TTC39C: variants seen among roughly 807,000 people sequenced by gnomAD.
TTC39C encodes the protein tetratricopeptide repeat protein 39C.
In TTC39C, 33 loss-of-function variants were observed where a neutral mutation model predicts 76.3. The observed-to-expected ratio is 0.43, with a 90% CI of 0.33 to 0.58. TTC39C has a LOEUF of 0.58. TTC39C is among the 20% of genes least tolerant of loss of function. TTC39C has a pLI of 0.04. For missense variants in TTC39C, 595 were observed against 701.4 expected (o/e 0.85, Z 1.71); for synonymous variants, 254 against 260.6 (o/e 0.97, Z 0.24).
chr18:24,023,999 TATA>T (rs1568409093), intron 1 of TTC39C, among the ~76,000 whole-genome samples: 10 of 11,098 alleles, frequency 9.0e-4, no homozygotes, highest in Non-Finnish European at 1.3e-3. Flanking sequence ...TATATATATA[TATA>T]TATATATATA....
chr18:24,111,942 A>G lies in TTC39C; in HGVS notation c.985-2612A>G, dbSNP rs1316835739. 2.0e-5 allele frequency among the ~76,000 whole-genome samples: 3 copies of G among 151,146 alleles called. No homozygotes were observed. In the South Asian group the frequency reaches 6.3e-4, roughly 32 times the overall value. ...ATATATATTTTTTTTGGTGAAAAAT[A>G]TGGGAAAATTTATTTCAACTGTGTT... On this transcript the variant is annotated intron_variant, in intron 6 of 13. Transcript: ENST00000317571.
At chr18:24,062,766 G>A (rs9963746) in intron 1 of TTC39C, among the ~76,000 whole-genome samples, 1 of 152,218 alleles carries the variant, frequency 6.6e-6, no homozygotes. Flanking sequence ...CACACACACT[G>A]TCTTTCTCTG....
At chr18:24,015,512 A>G (rs2083444449) in intron 1 of TTC39C, among the ~76,000 whole-genome samples, 1 of 152,260 alleles carries the variant, frequency 6.6e-6, no homozygotes, top group Non-Finnish European at 1.5e-5. Flanking sequence ...ATGGCTCTGC[A>G]ACATTGTGCA....
At chr18:23,996,368 A>G (rs1203935731) in intron 1 of TTC39C, among the ~76,000 whole-genome samples, 1 of 152,236 alleles carries the variant, frequency 6.6e-6, no homozygotes, top group African/African-American at 2.4e-5. Flanking sequence ...TTCTTTATAT[A>G]GGTACACTCT....
chr18:24,117,954 T>C (rs1417634221), intron 7 of TTC39C, among the ~76,000 whole-genome samples, 171 bp from the exon 8 acceptor site: 5 of 152,234 alleles, frequency 3.3e-5, no homozygotes, highest in Non-Finnish European at 7.3e-5. Context: ...AAACTTTACA[T>C]TGAAAGTATT....
At chr18:24,025,994 C>T (rs867678662) in intron 1 of TTC39C, among the ~76,000 whole-genome samples, 1 of 152,140 alleles carries the variant, frequency 6.6e-6, no homozygotes, top group Non-Finnish European at 1.5e-5. Context: ...TAGTGTTGGG[C>T]TCCCTGGGTC....
intron 6 of TTC39C, among the ~76,000 whole-genome samples, chr18:24,089,811 A>G (rs887705167): frequency 1.3e-5 from 2 of 152,160 alleles, no homozygotes; most frequent in Non-Finnish European, 2.9e-5. Context: ...GCCACTCAGC[A>G]GCATTAGTGC....
chr18:24,057,811 G>T (rs997808809), intron 1 of TTC39C, among the ~76,000 whole-genome samples: 2 of 152,174 alleles, frequency 1.3e-5, no homozygotes, highest in African/African-American at 4.8e-5. Flanking sequence ...CCCATGATTG[G>T]GTATATACCC....
chr18:24,066,577 G>A (rs201543602), intron 3 of TTC39C, among the ~76,000 whole-genome samples: 2 of 152,266 alleles, frequency 1.3e-5, no homozygotes, highest in East Asian at 3.9e-4. Flanking sequence ...CAGTTTTCCT[G>A]ATTTTGCCCT....
chr18:24,027,809 C>G (rs1336354251), intron 1 of TTC39C, among the ~76,000 whole-genome samples: 1 of 152,112 alleles, frequency 6.6e-6, no homozygotes, highest in East Asian at 1.9e-4. Context: ...GTCCTCCCAC[C>G]TCAGCCTCCC....
At chr18:24,088,797 G>T (rs73404278) in intron 6 of TTC39C, among the ~76,000 whole-genome samples, 1 of 152,170 alleles carries the variant, frequency 6.6e-6, no homozygotes, top group Non-Finnish European at 1.5e-5. Context: ...TTTCAAGAGG[G>T]TGGAGGTTCT....
intron 1 of TTC39C, among the ~76,000 whole-genome samples, chr18:24,024,007 TATA>T (rs1568409131): frequency 2.6e-4 from 6 of 23,418 alleles, no homozygotes; most frequent in African/African-American, 1.7e-3. Context: ...TATATATATA[TATA>T]TATATATTTT....
At chr18:24,117,087 G>A (rs2145813304) in intron 7 of TTC39C, among the ~76,000 whole-genome samples, 1 of 152,122 alleles carries the variant, frequency 6.6e-6, no homozygotes, top group South Asian at 2.1e-4. Flanking sequence ...CAGAGTGCTA[G>A]GATTACAGGC....
chr18:24,008,734 G>A (rs75685815), intron 1 of TTC39C, among the ~76,000 whole-genome samples: 3,413 of 152,288 alleles, frequency 0.022, 121 homozygotes, highest in African/African-American at 0.078. Flanking sequence ...ATGTACACAT[G>A]TCTTCGTAAA....
intron 1 of TTC39C, among the ~76,000 whole-genome samples, chr18:24,049,030 C>A (rs190712955): frequency 6.6e-6 from 1 of 152,156 alleles, no homozygotes; most frequent in Non-Finnish European, 1.5e-5. Flanking sequence ...GATAGGACTC[C>A]TAGCTCTTAT....
At chr18:24,041,755 A>G (rs376781312) in intron 1 of TTC39C, among the ~76,000 whole-genome samples, 5 of 152,394 alleles carry the variant, frequency 3.3e-5, no homozygotes, top group South Asian at 2.1e-4. Context: ...GCAGCATATT[A>G]TAAACAAATA....
intron 6 of TTC39C, among the ~76,000 whole-genome samples, chr18:24,100,353 G>T (rs1315354699): frequency 6.6e-6 from 1 of 152,232 alleles, no homozygotes; most frequent in Non-Finnish European, 1.5e-5. Context: ...GGAGGCCACT[G>T]TTGGGATGAA....
intron 6 of TTC39C, among the ~76,000 whole-genome samples, chr18:24,106,135 C>G (rs2084742825): frequency 6.6e-6 from 1 of 152,170 alleles, no homozygotes; most frequent in Admixed American, 6.5e-5. Flanking sequence ...CAAATAAGGT[C>G]ACATTCTGAT....
intron 6 of TTC39C, among the ~76,000 whole-genome samples, chr18:24,101,498 G>T (rs543575366): frequency 6.6e-6 from 1 of 151,580 alleles, no homozygotes; most frequent in Admixed American, 6.6e-5. Flanking sequence ...GGTGGAGGTC[G>T]CAGTGAGTCG....
Sources: gnomAD v4.1 joint callset for allele counts (sites outside exome capture counted in the v4.1 genomes callset) on GRCh38, gnomAD v4.1.1 for gene constraint, MANE v1.5 for transcripts, NCBI Gene and HGNC (gene_info 2026-07-23, HGNC 2026-07-21) for gene names.